The following SEPTIN6 variants were observed in gnomAD, a reference collection of about 807,000 sequenced individuals.
SEPTIN6 encodes septin-6.
Under a neutral mutation model 33.6 loss-of-function variants are expected in SEPTIN6, and 8 were observed. That is an observed-to-expected ratio of 0.24 (90% CI 0.14 to 0.43). The LOEUF is 0.43. SEPTIN6 is among the 20% of genes least tolerant of loss of function. The probability of loss-of-function intolerance (pLI) is 1.00; values close to 1 mark genes in which losing one functional copy is unlikely to be tolerated. For synonymous variants in SEPTIN6, 131 were observed against 140.0 expected, an observed-to-expected ratio of 0.94 and a Z score of 0.45; for missense variants, 250 against 340.8, an observed-to-expected ratio of 0.73 and a Z score of 2.10.
intron 3 of SEPTIN6, among the ~76,000 whole-genome samples, chrX:119,661,734 C>T (rs2054550289): frequency 1.8e-5 from 2 of 110,885 alleles, no homozygotes; most frequent in African/African-American, 3.3e-5. Flanking sequence ...TTCTCAACCC[C>T]CTACATCTTT....
intron 10 of SEPTIN6, among the ~76,000 whole-genome samples, chrX:119,620,531 G>A (rs1266011822): frequency 9.1e-6 from 1 of 109,990 alleles, no homozygotes; most frequent in African/African-American, 3.3e-5. Context: ...GTGTTAGCCA[G>A]GATGGTCTCG....
chrX:119,640,702 G>A lies in SEPTIN6; in HGVS notation c.777C>T (p.Gly259=), dbSNP rs201786824. 276 of 1,205,564 alleles carry A rather than the reference G, an allele frequency of 2.3e-4. No homozygotes were observed. Among genetic ancestry groups the A allele is most frequent in the Non-Finnish European group, 2.9e-4 (261 of 891,405 alleles). Residue 259 remains glycine (G), a synonymous_variant, in exon 6 of 11, where the codon GGC becomes GGT. Coordinates refer to ENST00000394610, the MANE Select transcript of SEPTIN6 (RefSeq NM_145799.4). ...CGGAGACTCACTCACCCTGCACAGTGCCCCAAGGATACTGCCGCGCCCTCA... is the reference window on the plus strand; with the variant it reads ...CGGAGACTCACTCACCCTGCACAGTACCCCAAGGATACTGCCGCGCCCTCA... The part of the protein sequence containing the change: ...KMMRARQYPW[G]TVQVENEAHC...
chrX:119,642,177 C>CAAAAAAAA (rs1188953936), intron 5 of SEPTIN6, among the ~76,000 whole-genome samples: 3 of 45,373 alleles, frequency 6.6e-5, no homozygotes, highest in Non-Finnish European at 8.6e-5. Flanking sequence ...GACCCAGTCT[C>CAAAAAAAA]AAAAAAAAAA....
chrX:119,663,448 TCCCC>T, intron 3 of SEPTIN6, 30 bp downstream of exon 3: 1 of 751,153 alleles, frequency 1.3e-6, no homozygotes, highest in Non-Finnish European at 2.0e-6. Flanking sequence ...TCTACCAACC[TCCCC>T]ACCCTACCCC....
At chrX:119,635,575 T>G (rs892651330) in intron 7 of SEPTIN6, among the ~76,000 whole-genome samples, 6 of 111,167 alleles carry the variant, frequency 5.4e-5, no homozygotes, top group Non-Finnish European at 9.4e-5. Context: ...CAGAGAGCAT[T>G]TCAAGGAGGC....
intron 6 of SEPTIN6, among the ~76,000 whole-genome samples, chrX:119,640,421 T>G (rs903354250): frequency 1.8e-5 from 2 of 109,521 alleles, no homozygotes; most frequent in African/African-American, 3.3e-5. Context: ...CAAGAACACA[T>G]GCTTTTTCGC....
At chrX:119,646,826 C>A in intron 5 of SEPTIN6, 2 of 287,874 alleles carry the variant, frequency 6.9e-6, no homozygotes, top group South Asian at 3.6e-5. Flanking sequence ...CTCCTACCAC[C>A]CAAGCCCAGG....
At chrX:119,656,759 G>A (rs1488804136) in intron 3 of SEPTIN6, among the ~76,000 whole-genome samples, 5 of 110,917 alleles carry the variant, frequency 4.5e-5, no homozygotes, top group East Asian at 2.8e-4. Context: ...GGTGGCGTGC[G>A]CCTGTAATCC....
intron 1 of SEPTIN6, among the ~76,000 whole-genome samples, chrX:119,679,602 G>T (rs2054912524): frequency 8.9e-6 from 1 of 111,822 alleles, no homozygotes; most frequent in African/African-American, 3.2e-5. Context: ...GCTCACGCCT[G>T]TAATCCCAGC....
downstream of SEPTIN6, chrX:119,616,643 TTGA>T (rs2053669930): frequency 9.0e-6 from 10 of 1,104,985 alleles, no homozygotes; most frequent in Middle Eastern, 2.4e-4. Context: ...AGGAAATTGG[TTGA>T]TTTCTGATTT....
Position 119,617,364 on chromosome X carries a change from A to G in SEPTIN6, c.*2729T>C, listed in dbSNP as rs1173203830. The G allele has an allele frequency of 1.2e-6, 1 of 802,610 alleles. No individual in the cohort carries two copies. The highest frequency in any genetic ancestry group is 2.2e-5 in the African/African-American group (1 of 45,499). 66.1% of individuals were successfully genotyped at this position (802,610 alleles called of 1,213,427 possible). On this transcript the variant is annotated 3_prime_UTR_variant, in exon 11 of 11. Transcript: ENST00000394610. ...AATACACATTTTAATAGGTTGATCA[A>G]CTTTTTAATTTATGTTCACTCATGG...
At chrX:119,690,030 G>A (rs989359754) in intron 1 of SEPTIN6, among the ~76,000 whole-genome samples, 3 of 111,580 alleles carry the variant, frequency 2.7e-5, no homozygotes, top group South Asian at 3.7e-4. Context: ...AGCCCAGTCC[G>A]ATCACGAACG....
chrX:119,639,980 T>TC (rs1431465454), intron 6 of SEPTIN6, among the ~76,000 whole-genome samples: 1 of 106,655 alleles, frequency 9.4e-6, no homozygotes. Context: ...ATTTTTTTTT[T>TC]TTTGTATTTT....
At chrX:119,663,187 G>A (rs1316155847) in intron 3 of SEPTIN6, among the ~76,000 whole-genome samples, 1 of 112,076 alleles carries the variant, frequency 8.9e-6, no homozygotes, top group Non-Finnish European at 1.9e-5. Context: ...GAGCTCGACA[G>A]TACCTGGCGC....
intron 2 of SEPTIN6, among the ~76,000 whole-genome samples, chrX:119,666,459 A>C (rs2054641008): frequency 8.9e-6 from 1 of 112,092 alleles, no homozygotes; most frequent in Admixed American, 9.5e-5. Flanking sequence ...TGAATGCAGG[A>C]GGTGCCTTTT....
intron 2 of SEPTIN6, among the ~76,000 whole-genome samples, chrX:119,674,533 G>C (rs1430125415): frequency 8.9e-6 from 1 of 111,912 alleles, no homozygotes; most frequent in African/African-American, 3.2e-5. Context: ...TTGGTGCTCA[G>C]TGGTTTCCAA....
chrX:119,647,187 T>G (rs1319529926), intron 5 of SEPTIN6, among the ~76,000 whole-genome samples: 1 of 109,731 alleles, frequency 9.1e-6, no homozygotes, highest in Non-Finnish European at 1.9e-5. Flanking sequence ...TGAAATTGAT[T>G]GCATCACTGT....
At chrX:119,635,279 G>C (rs2054044280) in intron 7 of SEPTIN6, 1 of 239,400 alleles carries the variant, frequency 4.2e-6, no homozygotes, top group Non-Finnish European at 8.2e-6. Context: ...GGATGTCTGA[G>C]TGGACATCCA....
At chrX:119,693,053 T>C (rs2055206442) in intron 1 of SEPTIN6, 23 bp downstream of exon 1, 2 of 1,171,322 alleles carry the variant, frequency 1.7e-6, no homozygotes, top group South Asian at 1.9e-5. Flanking sequence ...GCCCCGGCCC[T>C]GGCACCCAAG....
Sources: gnomAD v4.1 joint callset for allele counts (sites outside exome capture counted in the v4.1 genomes callset) on GRCh38, gnomAD v4.1.1 for gene constraint, MANE v1.5 for transcripts, NCBI Gene and HGNC (gene_info 2026-07-23, HGNC 2026-07-21) for gene names.